The following VRK1 variants were observed in gnomAD, a reference collection of about 807,000 sequenced individuals.
VRK1 encodes the protein serine/threonine-protein kinase VRK1.
VRK1 carries 33 observed loss-of-function variants against 57.1 expected under a neutral mutation model. The observed-to-expected ratio is 0.58, with a 90% CI of 0.44 to 0.77. VRK1 has a LOEUF of 0.77. VRK1 is among the 30% of genes least tolerant of loss of function. The pLI is 0.00. For synonymous variants in VRK1, 137 were observed against 147.8 expected, an observed-to-expected ratio of 0.93 and a Z score of 0.53; for missense variants, 413 against 477.3, an observed-to-expected ratio of 0.87 and a Z score of 1.25.
At chr14:96,802,680 T>G (rs774215289) in intron 1 of VRK1, among the ~76,000 whole-genome samples, 1 of 152,330 alleles carries the variant, frequency 6.6e-6, no homozygotes, top group East Asian at 1.9e-4. Flanking sequence ...GTCCTAGAAT[T>G]AGACACACAA....
At chr14:96,872,794 C>T (rs969039919) in intron 11 of VRK1, among the ~76,000 whole-genome samples, 1 of 152,170 alleles carries the variant, frequency 6.6e-6, no homozygotes, top group Non-Finnish European at 1.5e-5. Context: ...CTGTAACCTT[C>T]ATAGAAGATG....
At chr14:96,841,957 A>G (rs544259699) in intron 3 of VRK1, among the ~76,000 whole-genome samples, 93 of 152,258 alleles carry the variant, frequency 6.1e-4, no homozygotes, top group African/African-American at 2.1e-3. Context: ...CTCCTGAATA[A>G]ACACCTACAG....
intron 5 of VRK1, among the ~76,000 whole-genome samples, chr14:96,848,983 G>A (rs868033436): frequency 6.6e-6 from 1 of 152,176 alleles, no homozygotes; most frequent in African/African-American, 2.4e-5. Context: ...TTATTCTACT[G>A]TATGACCCAA....
intron 2 of VRK1, among the ~76,000 whole-genome samples, chr14:96,835,746 G>C (rs1049959103): frequency 1.3e-5 from 2 of 152,124 alleles, no homozygotes; most frequent in South Asian, 2.1e-4. Flanking sequence ...TAGTCCTATT[G>C]CTTTACCTGG....
intron 1 of VRK1, among the ~76,000 whole-genome samples, chr14:96,804,096 C>G (rs1885775805): frequency 6.6e-6 from 1 of 152,154 alleles, no homozygotes; most frequent in African/African-American, 2.4e-5. Context: ...CTGCCTAACT[C>G]TAGGTCAGGA....
chr14:96,879,519 T>TA (rs1248618908), intron 12 of VRK1, among the ~76,000 whole-genome samples: 2 of 152,172 alleles, frequency 1.3e-5, no homozygotes, highest in Non-Finnish European at 1.5e-5. Context: ...GTTAAAGATT[T>TA]AAAATGTGTT....
rs192248909 is a variant in VRK1 at position 96,877,999 on chromosome 14, T to C, written c.1159+1879T>C. Among the ~76,000 whole-genome samples the C allele has an allele frequency of 3.9e-5, 6 of 152,222 alleles. No individual in the cohort carries two copies. The East Asian group carries it at 9.6e-4, about 24-fold the overall frequency. Reference sequence around the variant, plus strand: ...AAATAATTTAAGGAGAACAATTCAGTTTTTTTGACCTAACTTTTTCAGAAG... The same window carrying C: ...AAATAATTTAAGGAGAACAATTCAGCTTTTTTGACCTAACTTTTTCAGAAG... On this transcript the variant is annotated intron_variant, in intron 12 of 12. Transcript: ENST00000216639.
intron 7 of VRK1, 56 bp downstream of exon 7, chr14:96,853,222 T>C: frequency 1.3e-6 from 2 of 1,500,098 alleles, no homozygotes; most frequent in East Asian, 2.3e-5. Flanking sequence ...AAAATAAATA[T>C]GGTTGCTTTG....
chr14:96,804,815 G>C (rs1199180968), intron 1 of VRK1, among the ~76,000 whole-genome samples: 1 of 152,192 alleles, frequency 6.6e-6, no homozygotes, highest in South Asian at 2.1e-4. Flanking sequence ...TGTTACTTCA[G>C]AATGTTATAA....
chr14:96,840,628 A>G (rs907484670), intron 3 of VRK1, among the ~76,000 whole-genome samples: 7 of 152,196 alleles, frequency 4.6e-5, no homozygotes, highest in African/African-American at 9.7e-5. Context: ...ATTAAAATCT[A>G]TGGGTAAGAT....
intron 5 of VRK1, among the ~76,000 whole-genome samples, chr14:96,848,417 T>C (rs1887802435): frequency 6.6e-6 from 1 of 152,110 alleles, no homozygotes; most frequent in African/African-American, 2.4e-5. Flanking sequence ...CAGCGATCCA[T>C]GTGGAAAAGG....
chr14:96,816,867 A>G (rs979526674), intron 1 of VRK1, among the ~76,000 whole-genome samples: 2 of 152,214 alleles, frequency 1.3e-5, no homozygotes, highest in African/African-American at 4.8e-5. Flanking sequence ...GTCAAAGTCA[A>G]CTGTGAGAAG....
chr14:96,836,773 C>A (rs963093233), intron 2 of VRK1, among the ~76,000 whole-genome samples: 1 of 152,068 alleles, frequency 6.6e-6, no homozygotes, highest in African/African-American at 2.4e-5. Context: ...AGGTGATCCA[C>A]CTGCGTTGAC....
chr14:96,833,950 A>G (rs1887113923), intron 2 of VRK1, among the ~76,000 whole-genome samples: 1 of 152,092 alleles, frequency 6.6e-6, no homozygotes, highest in African/African-American at 2.4e-5. Context: ...TCCCACCTCC[A>G]CCTATGTGGG....
chr14:96,812,435 T>C (rs1330376607), intron 1 of VRK1, among the ~76,000 whole-genome samples: 1 of 152,202 alleles, frequency 6.6e-6, no homozygotes, highest in African/African-American at 2.4e-5. Context: ...TTTGTTTATA[T>C]ATGTCCTAGT....
intron 1 of VRK1, among the ~76,000 whole-genome samples, chr14:96,807,779 T>G (rs1343552000): frequency 6.6e-6 from 1 of 152,200 alleles, no homozygotes; most frequent in Non-Finnish European, 1.5e-5. Flanking sequence ...TAAATTTCTT[T>G]TTATTGAATT....
chr14:96,877,854 A>G (rs887860610), intron 12 of VRK1, among the ~76,000 whole-genome samples: 1 of 152,206 alleles, frequency 6.6e-6, no homozygotes, highest in South Asian at 2.1e-4. Context: ...TAGTATAATT[A>G]TGAATTTTTT....
chr14:96,839,675 GC>G lies in VRK1; in HGVS notation c.216+1862del, dbSNP rs1480992231. 3.3e-5 allele frequency among the ~76,000 whole-genome samples: 5 copies of G among 152,084 alleles called. No homozygotes were observed. The South Asian group carries it at 6.2e-4, about 19-fold the overall frequency. ...GTGGAGTGCCTCTTCCATTCTTTTTGCCCCTTTCCTCTTATTTTTATCTTTT... is the reference window on the plus strand; with the variant it reads ...GTGGAGTGCCTCTTCCATTCTTTTTGCCCTTTCCTCTTATTTTTATCTTTT... On this transcript the variant is annotated intron_variant, in intron 3 of 12. Coordinates refer to ENST00000216639, the MANE Select transcript of VRK1 (RefSeq NM_003384.3).
At chr14:96,806,669 T>G (rs1474325169) in intron 1 of VRK1, among the ~76,000 whole-genome samples, 1 of 152,222 alleles carries the variant, frequency 6.6e-6, no homozygotes, top group East Asian at 1.9e-4. Context: ...CATGAGTCAT[T>G]TGGTGTAATG....
Sources: gnomAD v4.1 joint callset for allele counts (sites outside exome capture counted in the v4.1 genomes callset) on GRCh38, gnomAD v4.1.1 for gene constraint, MANE v1.5 for transcripts, NCBI Gene and HGNC (gene_info 2026-07-23, HGNC 2026-07-21) for gene names.